ZNF362: variants seen among roughly 807,000 people sequenced by gnomAD.
ZNF362 encodes the protein zinc finger protein 362.
Under a neutral mutation model 42.9 loss-of-function variants are expected in ZNF362, and 11 were observed. The observed-to-expected ratio is 0.26, with a 90% CI of 0.16 to 0.42. The LOEUF is 0.42. ZNF362 is among the 20% of genes least tolerant of loss of function. The pLI is 1.00. For missense variants in ZNF362, 362 were observed against 576.2 expected (o/e 0.63, Z 3.81); for synonymous variants, 255 against 257.3 (o/e 0.99, Z 0.09).
At chr1:33,195,543 G>A in the ZNF362 span, 1 of 152,216 alleles carries the variant, frequency 6.6e-6, no homozygotes, top group African/African-American at 2.4e-5. Context: ...TACATGTAGA[G>A]CCTGTTGCTC....
the ZNF362 span, chr1:33,142,046 T>G: frequency 6.6e-6 from 1 of 152,132 alleles, no homozygotes; most frequent in Middle Eastern, 3.4e-3. Context: ...TGTCCCAGAG[T>G]AAGGGGAAAT....
the ZNF362 span, among the ~76,000 whole-genome samples, chr1:33,251,208 G>C: frequency 5.3e-5 from 8 of 152,300 alleles, no homozygotes; most frequent in African/African-American, 1.9e-4. Flanking sequence ...AGGTCCCATG[G>C]TGAACATGCT....
intron 1 of ZNF362, among the ~76,000 whole-genome samples, chr1:33,269,131 G>A (rs1378598338): frequency 6.6e-6 from 1 of 152,118 alleles, no homozygotes; most frequent in East Asian, 1.9e-4. Context: ...TTGAGGCTGA[G>A]GCTGTGCAGG....
chr1:33,221,469 C>T, the ZNF362 span, among the ~76,000 whole-genome samples: 1 of 152,208 alleles, frequency 6.6e-6, no homozygotes, highest in Admixed American at 6.5e-5. Context: ...AGATTATACC[C>T]ACAGGGTTGC....
chr1:33,141,280 T>A, the ZNF362 span, among the ~76,000 whole-genome samples: 1 of 151,956 alleles, frequency 6.6e-6, no homozygotes, highest in African/African-American at 2.4e-5. Context: ...CCTCCTAAGC[T>A]CTGGCCCTGT....
the ZNF362 span, chr1:33,194,726 T>C: frequency 2.6e-5 from 4 of 152,014 alleles, no homozygotes; most frequent in Admixed American, 6.6e-5. Context: ...ACCTACCTCA[T>C]GGTGTTGCTA....
chr1:33,275,366 C>A, intron 2 of ZNF362: 1 of 985,512 alleles, frequency 1.0e-6, no homozygotes, highest in Non-Finnish European at 1.2e-6. Context: ...CACACTTTTA[C>A]CAAAGAGCCG....
the ZNF362 span, among the ~76,000 whole-genome samples, chr1:33,228,290 C>A: frequency 6.6e-6 from 1 of 152,128 alleles, no homozygotes; most frequent in Non-Finnish European, 1.5e-5. Flanking sequence ...CAGGAGTCAT[C>A]CTTCCCTTGC....
At chr1:33,168,372 GCTGT>G in the ZNF362 span, among the ~76,000 whole-genome samples, 1 of 141,852 alleles carries the variant, frequency 7.0e-6, no homozygotes, top group Non-Finnish European at 1.5e-5. Flanking sequence ...TAGGAAGCTG[GCTGT>G]CTGAGAAAAA....
the ZNF362 span, among the ~76,000 whole-genome samples, chr1:33,189,183 C>T: frequency 0.99 from 150,149 of 152,302 alleles, 74,054 homozygotes; most frequent in Middle Eastern, 1. Flanking sequence ...TGTTTTCCAC[C>T]AACCTATTGT....
intron 1 of ZNF362, among the ~76,000 whole-genome samples, chr1:33,267,668 G>A (rs1229696841): frequency 1.3e-5 from 2 of 152,156 alleles, no homozygotes; most frequent in Non-Finnish European, 2.9e-5. Flanking sequence ...AGGCCAATGT[G>A]AGTGTTAAAT....
In ZNF362 at chr1:33,294,835, G is replaced by T; in HGVS notation, c.909-102G>T. On this transcript the variant is annotated intron_variant, in intron 6 of 8. Transcript: ENST00000539719. This position sits in a 1 kb window ranked among gnomAD's most constrained non-coding sequence, Gnocchi z 4.2. Reference sequence around the variant, plus strand: ...TTGGTCCTTGGGGAGCATGGGCAGGGTAGGGACCGAGAGGCTTAGGGGCCA... The same window carrying T: ...TTGGTCCTTGGGGAGCATGGGCAGGTTAGGGACCGAGAGGCTTAGGGGCCA... 1.5e-6 allele frequency: 2 copies of T among 1,291,284 alleles called. No individual in the cohort carries two copies. Among genetic ancestry groups the T allele is most frequent in the East Asian group, 2.4e-5 (1 of 41,198 alleles). The allele number at this position is 1,291,284 out of a possible 1,614,324, so 80.0% of individuals were successfully genotyped here.
At chr1:33,154,713 G>A in the ZNF362 span, among the ~76,000 whole-genome samples, 2 of 151,342 alleles carry the variant, frequency 1.3e-5, no homozygotes, top group East Asian at 2.0e-4. Flanking sequence ...CAGGAAAATC[G>A]CCTGAACCCA....
At chr1:33,169,385 G>C in the ZNF362 span, among the ~76,000 whole-genome samples, 1 of 152,174 alleles carries the variant, frequency 6.6e-6, no homozygotes, top group African/African-American at 2.4e-5. Flanking sequence ...CTCTCTATGC[G>C]TGCTGCCTCT....
intron 3 of ZNF362, 30 bp downstream of exon 3, chr1:33,276,193 C>G: frequency 6.2e-7 from 1 of 1,611,108 alleles, no homozygotes; most frequent in Non-Finnish European, 8.5e-7. Context: ...TCCGGCTGCC[C>G]TACCCTCCTT....
the ZNF362 span, among the ~76,000 whole-genome samples, chr1:33,246,166 C>A: frequency 6.6e-6 from 1 of 152,146 alleles, no homozygotes; most frequent in Non-Finnish European, 1.5e-5. Context: ...TTTATTATAA[C>A]AGTCCCAGGA....
At position 33,294,843 on chromosome 1, in the gene ZNF362, C is replaced by T. The variant is rs987842505; in HGVS notation, c.909-94C>T. On this transcript the variant is annotated intron_variant, in intron 6 of 8. Transcript: ENST00000539719. This position sits in a 1 kb window ranked among gnomAD's most constrained non-coding sequence, Gnocchi z 4.2. Reference sequence around the variant, plus strand: ...TGGGGAGCATGGGCAGGGTAGGGACCGAGAGGCTTAGGGGCCAGAGTAAGG... The same window carrying T: ...TGGGGAGCATGGGCAGGGTAGGGACTGAGAGGCTTAGGGGCCAGAGTAAGG... 2.0e-5 allele frequency: 28 copies of T among 1,408,102 alleles called. No individual in the cohort carries two copies. Among genetic ancestry groups the T allele is most frequent in the Admixed American group, 8.9e-5 (5 of 56,050 alleles). 87.2% of individuals were successfully genotyped at this position (1,408,102 alleles called of 1,614,324 possible). A position where few individuals can be genotyped will look rare whatever the true frequency, so the allele number is the denominator to read the frequency against.
chr1:33,250,852 G>GGAAGAAGAA, the ZNF362 span, among the ~76,000 whole-genome samples: 17,456 of 137,416 alleles, frequency 0.13, 1,259 homozygotes, highest in Middle Eastern at 0.16. Flanking sequence ...GAAGAAAGAA[G>GGAAGAAGAA]GAAGAAGAAG....
chr1:33,239,362 G>C, the ZNF362 span, among the ~76,000 whole-genome samples: 1 of 152,032 alleles, frequency 6.6e-6, no homozygotes, highest in African/African-American at 2.4e-5. Context: ...TATACTTACT[G>C]GTACATATAC....
Sources: gnomAD v4.1 joint callset for allele counts (sites outside exome capture counted in the v4.1 genomes callset) on GRCh38, gnomAD v4.1.1 for gene constraint, Gnocchi (gnomAD v3.1) non-coding constraint, MANE v1.5 for transcripts, NCBI Gene and HGNC (gene_info 2026-07-23, HGNC 2026-07-21) for gene names.